Variants in HTR2A observed in about 807,000 individuals in gnomAD.
HTR2A encodes the protein 5-hydroxytryptamine receptor 2A, also known as 5-HT2 receptor.
Under a neutral mutation model 31.0 loss-of-function variants are expected in HTR2A, and 14 were observed. The ratio of observed to expected loss-of-function variants is 0.45; its 90% CI spans 0.30 to 0.71. The LOEUF is 0.71. HTR2A is among the 30% of genes least tolerant of loss of function. The probability of loss-of-function intolerance (pLI) is 0.09; values close to 1 mark genes in which losing one functional copy is unlikely to be tolerated. For missense variants in HTR2A, 442 were observed against 573.3 expected, an observed-to-expected ratio of 0.77 and a Z score of 2.34; for synonymous variants, 209 against 225.2, an observed-to-expected ratio of 0.93 and a Z score of 0.64.
At chr13:46,894,886 G>A (rs1426804841) in intron 2 of HTR2A, among the ~76,000 whole-genome samples, 2 of 152,120 alleles carry the variant, frequency 1.3e-5, no homozygotes, top group African/African-American at 4.8e-5. Flanking sequence ...TAATTCAAAG[G>A]CACATTTCCA....
intron 2 of HTR2A, among the ~76,000 whole-genome samples, chr13:46,893,398 C>T (rs921515869): frequency 2.8e-4 from 43 of 152,234 alleles, no homozygotes; most frequent in Middle Eastern, 3.4e-3. Context: ...AGCAAGCTCC[C>T]GGGTGATGCT....
chr13:46,847,206 T>C (rs981073433), intron 3 of HTR2A, among the ~76,000 whole-genome samples: 23 of 152,226 alleles, frequency 1.5e-4, no homozygotes, highest in Admixed American at 6.5e-5. Flanking sequence ...GCTGCTGTAA[T>C]TGGGGCAGTG....
At chr13:46,886,207 T>C (rs1951005189) in intron 3 of HTR2A, among the ~76,000 whole-genome samples, 1 of 152,190 alleles carries the variant, frequency 6.6e-6, no homozygotes, top group Non-Finnish European at 1.5e-5. Flanking sequence ...CTTAATGAGA[T>C]TATTTATTTT....
At chr13:46,881,350 A>G (rs1052169528) in intron 3 of HTR2A, among the ~76,000 whole-genome samples, 2 of 152,182 alleles carry the variant, frequency 1.3e-5, no homozygotes, top group African/African-American at 2.4e-5. Flanking sequence ...GCCATACTCT[A>G]GAGACAGTAG....
intron 3 of HTR2A, among the ~76,000 whole-genome samples, chr13:46,887,254 C>T (rs1026910631): frequency 1.3e-5 from 2 of 151,834 alleles, no homozygotes; most frequent in African/African-American, 4.8e-5. Context: ...CCCATCTCTA[C>T]TAAAAATACA....
rs1477912263 is a variant in HTR2A, at chr13:46,833,074, G to C, written c.*1763C>G. 6.6e-6 allele frequency: 1 copy of C among 152,126 alleles called. No homozygotes were observed. 9.4% of individuals were successfully genotyped at this position (152,126 alleles called of 1,614,324 possible). On this transcript the variant is annotated 3_prime_UTR_variant, in exon 4 of 4. Coordinates refer to ENST00000542664, the MANE Select transcript of HTR2A (RefSeq NM_000621.5). Reference sequence around the variant, plus strand: ...AAATGAGTGAGTTTTTGGAGAAATAGAAGAAAAATTTTGCTCAAAACTATG... The same window carrying C: ...AAATGAGTGAGTTTTTGGAGAAATACAAGAAAAATTTTGCTCAAAACTATG...
At chr13:46,842,505 T>C (rs1276434525) in intron 3 of HTR2A, among the ~76,000 whole-genome samples, 2 of 152,130 alleles carry the variant, frequency 1.3e-5, no homozygotes, top group African/African-American at 4.8e-5. Context: ...GCACATAATC[T>C]AGACCCACAA....
rs760051588 is a variant in HTR2A, at chr13:46,895,543, G to A, written c.364C>T (p.Leu122=). 8.1e-6 allele frequency: 13 copies of A among 1,614,194 alleles called. No homozygotes were observed. In the South Asian group the frequency reaches 9.9e-5, roughly 12 times the overall value. ...FLMSLAIADM[L]LGFLVMPVSM... ...ACGGGCATGACAAGGAAACCCAGCA[G>A]CATATCAGCTATGGCAAGTGACATC... The change falls in exon 2 of 4, where the codon CTG becomes TTG. Residue 122 remains leucine, a synonymous_variant. Coordinates refer to ENST00000542664, the MANE Select transcript of HTR2A (RefSeq NM_000621.5). The surrounding 1 kb of genome is among the most constrained non-coding windows in gnomAD (Gnocchi z 4.4).
At chr13:46,845,388 C>T (rs1225122485) in intron 3 of HTR2A, among the ~76,000 whole-genome samples, 3 of 152,062 alleles carry the variant, frequency 2.0e-5, no homozygotes, top group African/African-American at 7.2e-5. Context: ...CTTGCTGGGG[C>T]TGAGGCAGTC....
chr13:46,896,814 G>C lies in HTR2A; in HGVS notation c.-469C>G, dbSNP rs1451832715. Reference sequence around the variant, plus strand: ...ATGATAGTAATTTGGTTTCTGTTTTGCTGACTTCAAAAACTGCATGCAAGA... The same window carrying C: ...ATGATAGTAATTTGGTTTCTGTTTTCCTGACTTCAAAAACTGCATGCAAGA... On this transcript the variant is annotated 5_prime_UTR_variant, in exon 1 of 4. Coordinates refer to ENST00000542664, the MANE Select transcript of HTR2A (RefSeq NM_000621.5). 6.5e-7 allele frequency: 1 copy of C among 1,536,952 alleles called. No homozygotes were observed. Among genetic ancestry groups the C allele is most frequent in the Non-Finnish European group, 8.7e-7 (1 of 1,146,840 alleles).
intron 3 of HTR2A, among the ~76,000 whole-genome samples, chr13:46,891,473 A>G (rs1163812634): frequency 6.6e-6 from 1 of 152,220 alleles, no homozygotes; most frequent in Non-Finnish European, 1.5e-5. Flanking sequence ...CACAAGATAT[A>G]GTATTATTGT....
At position 46,858,952 on chromosome 13, in the gene HTR2A, G is replaced by T. The variant is rs961762715; in HGVS notation, c.614-23313C>A. ...CTGAAAAATCATGAGTCACTAAGAC[G>T]TTCGAATTCTTGATCCCTGCAAGGA... On this transcript the variant is annotated intron_variant, in intron 3 of 3. Coordinates refer to ENST00000542664, the MANE Select transcript of HTR2A (RefSeq NM_000621.5). 3.7e-4 allele frequency among the ~76,000 whole-genome samples: 57 copies of T among 152,150 alleles called. 1 individual carries two copies. Among genetic ancestry groups the T allele is most frequent in the Non-Finnish European group, 1.6e-4 (11 of 68,018 alleles).
chr13:46,847,131 C>T (rs9567737), intron 3 of HTR2A, among the ~76,000 whole-genome samples: 81,496 of 152,082 alleles, frequency 0.54, 22,182 homozygotes, highest in African/African-American at 0.6. Context: ...TCCCAAAATA[C>T]TGAAAGGCTA....
chr13:46,890,207 G>C (rs1049277702), intron 3 of HTR2A, among the ~76,000 whole-genome samples: 4 of 152,232 alleles, frequency 2.6e-5, no homozygotes, highest in Admixed American at 1.3e-4. Context: ...GCCGGGCGTG[G>C]TGGCACATGC....
rs1358277334 is a variant in HTR2A, at chr13:46,849,929, G to C, written c.614-14290C>G. Among the ~76,000 whole-genome samples the C allele has an allele frequency of 2.6e-5, 4 of 152,156 alleles. No homozygotes were observed. The East Asian group carries it at 7.7e-4, about 29-fold the overall frequency. On this transcript the variant is annotated intron_variant, in intron 3 of 3. Coordinates refer to ENST00000542664, the MANE Select transcript of HTR2A (RefSeq NM_000621.5). ...TATTAAGCATGAAATAAAGATTTCT[G>C]GAATAAATGAAGAAGCAAATGCAGA... is the stretch of plus-strand genomic sequence containing the variant.
chr13:46,889,485 T>C (rs766883734), intron 3 of HTR2A, among the ~76,000 whole-genome samples: 2 of 152,182 alleles, frequency 1.3e-5, no homozygotes, highest in Admixed American at 6.5e-5. Flanking sequence ...TGGAAACTTC[T>C]CTATCATTTA....
At chr13:46,869,232 CAACA>C (rs1313810225) in intron 3 of HTR2A, among the ~76,000 whole-genome samples, 6 of 152,168 alleles carry the variant, frequency 3.9e-5, no homozygotes, top group African/African-American at 1.2e-4. Context: ...TTCTAAAACT[CAACA>C]AACAGATAAA....
intron 3 of HTR2A, among the ~76,000 whole-genome samples, chr13:46,889,289 A>C (rs1951032137): frequency 6.6e-6 from 1 of 152,224 alleles, no homozygotes; most frequent in Non-Finnish European, 1.5e-5. Context: ...GTAAAGGTTA[A>C]AATTTGTATG....
chr13:46,856,665 G>C (rs939924090), intron 3 of HTR2A, among the ~76,000 whole-genome samples: 2 of 152,114 alleles, frequency 1.3e-5, no homozygotes, highest in Non-Finnish European at 2.9e-5. Context: ...TGACTCTTAT[G>C]TATGTACTTC....
Sources: allele counts gnomAD v4.1 joint callset (sites outside exome capture counted in the v4.1 genomes callset), GRCh38; gene constraint gnomAD v4.1.1; non-coding constraint Gnocchi (gnomAD v3.1); transcripts MANE v1.5; gene names NCBI Gene and HGNC (gene_info 2026-07-23, HGNC 2026-07-21).